CCNF: variants seen among roughly 807,000 people sequenced by gnomAD.
CCNF encodes the protein cyclin-F.
CCNF carries 30 observed loss-of-function variants against 85.4 expected under a neutral mutation model. That is an observed-to-expected ratio of 0.35 (90% CI 0.26 to 0.48). The LOEUF is 0.48. Ranked by LOEUF, CCNF falls within the 20% of genes least tolerant of loss-of-function variation. CCNF has a pLI of 0.99. For missense variants in CCNF, 919 were observed against 1,010.4 expected, an observed-to-expected ratio of 0.91 and a Z score of 1.23; for synonymous variants, 439 against 425.1, an observed-to-expected ratio of 1.03 and a Z score of -0.40.
At chr16:2,431,101 A>G in intron 1 of CCNF, 29 bp from the exon 2 acceptor site, 1 of 1,611,032 alleles carries the variant, frequency 6.2e-7, no homozygotes, top group African/African-American at 1.3e-5. Context: ...TTTTCATCTT[A>G]TCAAGGCTTC....
At chr16:2,441,029 C>T (rs1223059296) in intron 8 of CCNF, among the ~76,000 whole-genome samples, 1 of 150,778 alleles carries the variant, frequency 6.6e-6, no homozygotes, top group Non-Finnish European at 1.5e-5. Flanking sequence ...GTCAAGAGGT[C>T]GAGACCACCC....
rs2065423339 is a variant in CCNF, at chr16:2,455,666, A to G, written c.1885+102A>G. On this transcript the variant is annotated intron_variant, in intron 16 of 16. Transcript: ENST00000397066. Reference sequence around the variant, plus strand: ...GCCCTGTGCGAGCGCTGTGGGAGGAAGATGTGCACAGAGTGCGGGGTGGGG... The same window carrying G: ...GCCCTGTGCGAGCGCTGTGGGAGGAGGATGTGCACAGAGTGCGGGGTGGGG... The G allele has an allele frequency of 6.2e-6, 9 of 1,444,858 alleles. No individual in the cohort carries two copies. In the South Asian group the frequency reaches 1.2e-4, roughly 20 times the overall value. The allele number at this position is 1,444,858 out of a possible 1,614,324, so 89.5% of individuals were successfully genotyped here.
intron 6 of CCNF, 96 bp downstream of exon 6, chr16:2,438,219 C>T (rs2141818187): frequency 2.1e-6 from 2 of 938,834 alleles, no homozygotes; most frequent in East Asian, 4.8e-5. Flanking sequence ...GTGTCCAAGG[C>T]CCAAAACAAA....
Position 2,457,063 on chromosome 16 carries a change from C to A in CCNF, c.*43C>A. The A allele has an allele frequency of 1.4e-6, 2 of 1,429,816 alleles. No individual in the cohort carries two copies. The highest frequency in any genetic ancestry group is 1.3e-5 in the South Asian group (1 of 75,162). The allele number at this position is 1,429,816 out of a possible 1,614,324, so 88.6% of individuals were successfully genotyped here. A position where few individuals can be genotyped will look rare whatever the true frequency, so the allele number is the denominator to read the frequency against. On this transcript the variant is annotated 3_prime_UTR_variant, in exon 17 of 17. Coordinates refer to ENST00000397066, the MANE Select transcript of CCNF (RefSeq NM_001761.3). ...CCGCAGTGGATGTGTACTGAGGGGGCTGGAGGCGAAGGGTGGGAGCATAGC... is the reference window on the plus strand; with the variant it reads ...CCGCAGTGGATGTGTACTGAGGGGGATGGAGGCGAAGGGTGGGAGCATAGC...
At chr16:2,445,322 C>T (rs2065355511) in intron 9 of CCNF, 136 bp from the exon 10 acceptor site, 1 of 1,022,864 alleles carries the variant, frequency 9.8e-7, no homozygotes, top group South Asian at 1.5e-5. Flanking sequence ...GCCTCTCCAG[C>T]CTTGGTTCCA....
At position 2,432,981 on chromosome 16, in the gene CCNF, C is replaced by T; in HGVS notation, c.192C>T (p.Asp64=). 1 of 1,608,442 alleles carries T rather than the reference C, an allele frequency of 6.2e-7. No individual in the cohort carries two copies. Among genetic ancestry groups the T allele is most frequent in the Non-Finnish European group, 8.5e-7 (1 of 1,175,510 alleles). Residue 64 remains aspartate (D), a synonymous_variant, in exon 3 of 17, where the codon GAC becomes GAT. Transcript: ENST00000397066. Reference sequence around the variant, plus strand: ...TGCAGGTACACTCCCAGCTGAAGGACCTGGTGGACAACCACGCCAGTGTGT... The same window carrying T: ...TGCAGGTACACTCCCAGCTGAAGGATCTGGTGGACAACCACGCCAGTGTGT... ...AVRAVHSQLK[D]LVDNHASVWA... is the part of the protein sequence containing the mutation.
intron 8 of CCNF, among the ~76,000 whole-genome samples, chr16:2,441,960 T>TAC (rs2065324186): frequency 7.7e-6 from 1 of 130,478 alleles, no homozygotes; most frequent in Non-Finnish European, 1.6e-5. Context: ...TATATATATA[T>TAC]ATATATATAT....
chr16:2,452,419 G>C lies in CCNF; in HGVS notation c.1488-791G>C, dbSNP rs761803003. Among the ~76,000 whole-genome samples, 1 of 152,250 alleles carries C rather than the reference G, an allele frequency of 6.6e-6. No individual in the cohort carries two copies. The highest frequency in any genetic ancestry group is 1.5e-5 in the Non-Finnish European group (1 of 68,000). On this transcript the variant is annotated intron_variant, in intron 13 of 16. Transcript: ENST00000397066. This position sits in a 1 kb window ranked among gnomAD's most constrained non-coding sequence, Gnocchi z 4.1. The stretch of plus-strand genomic sequence containing the variant: ...CAGTAGAAGGGTTCGCATGGGTCTC[G>C]TCCCACCCACCTTTGCTTATGGGGA...
intron 15 of CCNF, 132 bp from the exon 16 acceptor site, chr16:2,455,263 C>A: frequency 8.2e-7 from 1 of 1,223,178 alleles, no homozygotes; most frequent in Non-Finnish European, 1.1e-6. Flanking sequence ...CCGGCATCTT[C>A]TTCGTAGCAG....
At position 2,433,817 on chromosome 16, in the gene CCNF, C is replaced by T. The variant is rs2065274389; in HGVS notation, c.278+750C>T. ...GCCAGGATGGTCTCGATCTCCTGAC[C>T]TCCTGATCTCAGGCGGGCATTTTTC... On this transcript the variant is annotated intron_variant, in intron 3 of 16. Coordinates refer to ENST00000397066, the MANE Select transcript of CCNF (RefSeq NM_001761.3). Among the ~76,000 whole-genome samples, 3 of 152,148 alleles carry T rather than the reference C, an allele frequency of 2.0e-5. No homozygotes were observed. The South Asian group carries it at 6.2e-4, about 32-fold the overall frequency.
At chr16:2,442,209 A>G (rs2065327232) in intron 8 of CCNF, among the ~76,000 whole-genome samples, 1 of 140,760 alleles carries the variant, frequency 7.1e-6, no homozygotes, top group Non-Finnish European at 1.5e-5. Context: ...GGGTTTCACC[A>G]TGTTAGCCAG....
Position 2,456,567 on chromosome 16 carries a change from C to T in CCNF, c.1908C>T (p.Leu636=), listed in dbSNP as rs767910393. 6.9e-5 allele frequency: 107 copies of T among 1,548,682 alleles called. No homozygotes were observed. Among genetic ancestry groups the T allele is most frequent in the Non-Finnish European group, 8.0e-5 (92 of 1,148,292 alleles). Residue 636 remains leucine (L), a synonymous_variant, in exon 17 of 17, where the codon CTC becomes CTT. Coordinates refer to ENST00000397066, the MANE Select transcript of CCNF (RefSeq NM_001761.3). The surrounding 1 kb of genome is among the most constrained non-coding windows in gnomAD (Gnocchi z 4.5). ...EGDVTAPSGI[L]DVTVVYLNPE... is the part of the protein sequence containing the mutation. ...CAGTGACAGCTCCCAGCGGCATCCT[C>T]GATGTCACCGTGGTCTACCTGAACC...
Position 2,449,809 on chromosome 16 carries a change from G to A in CCNF, c.1400-19G>A, listed in dbSNP as rs202217366. On this transcript the variant is annotated intron_variant, in intron 12 of 16. Coordinates refer to ENST00000397066, the MANE Select transcript of CCNF (RefSeq NM_001761.3). ...CGTCCCCTCCATCCCCTCCACCCCTGGCCTGCTTTCCTCCCCAGCACAGCC... is the reference window on the plus strand; with the variant it reads ...CGTCCCCTCCATCCCCTCCACCCCTAGCCTGCTTTCCTCCCCAGCACAGCC... 1 of 682,204 alleles carries A rather than the reference G, an allele frequency of 1.5e-6. No homozygotes were observed. The highest frequency in any genetic ancestry group is 1.9e-6 in the Non-Finnish European group (1 of 513,866). 42.3% of individuals were successfully genotyped at this position (682,204 alleles called of 1,614,324 possible). A position where few individuals can be genotyped will look rare whatever the true frequency, so the allele number is the denominator to read the frequency against.
chr16:2,440,598 GA>G (rs998498111), intron 8 of CCNF, among the ~76,000 whole-genome samples: 31 of 151,044 alleles, frequency 2.1e-4, no homozygotes, highest in African/African-American at 4.9e-5. Context: ...CTGTCTGAAG[GA>G]AAAAAAAAGT....
At chr16:2,448,263 G>T (rs904479283) in intron 10 of CCNF, among the ~76,000 whole-genome samples, 1 of 152,182 alleles carries the variant, frequency 6.6e-6, no homozygotes, top group Non-Finnish European at 1.5e-5. Context: ...CTCTGTCCTT[G>T]GTGTCTTTTA....
In CCNF at chr16:2,457,122, CGCAGAGA is replaced by C. The variant is rs2065433983; in HGVS notation, c.*111_*117del. 1.2e-6 allele frequency: 1 copy of C among 856,220 alleles called. No individual in the cohort carries two copies. Among genetic ancestry groups the C allele is most frequent in the South Asian group, 1.9e-5 (1 of 53,818 alleles). The allele number at this position is 856,220 out of a possible 1,614,324, so 53.0% of individuals were successfully genotyped here. Reference sequence around the variant, plus strand: ...GCTGCATAGACCATGGAGGCCTTTGCGCAGAGAGCAGAGAGGATGACTTGCGGCCACC... The same window carrying C: ...GCTGCATAGACCATGGAGGCCTTTGCGCAGAGAGGATGACTTGCGGCCACC... On this transcript the variant is annotated 3_prime_UTR_variant, in exon 17 of 17. Coordinates refer to ENST00000397066, the MANE Select transcript of CCNF (RefSeq NM_001761.3).
chr16:2,449,019 G>A (rs760896088), intron 11 of CCNF, 41 bp downstream of exon 11: 8 of 1,597,460 alleles, frequency 5.0e-6, no homozygotes, highest in East Asian at 2.2e-5. Flanking sequence ...CTTCGTTGTC[G>A]CTGTGCTGGA....
In CCNF at chr16:2,435,821, G is replaced by A; in HGVS notation, c.294G>A (p.Gly98=). The A allele has an allele frequency of 6.2e-7, 1 of 1,613,708 alleles. No individual in the cohort carries two copies. The highest frequency in any genetic ancestry group is 8.5e-7 in the Non-Finnish European group (1 of 1,179,812). Residue 98 remains glycine, a synonymous_variant, in exon 4 of 17, where the codon GGG becomes GGA. Transcript: ENST00000397066. ...LKLFERAAEK[G]NFEAAVKLGI... Reference sequence around the variant, plus strand: ...AATGTTTCAGGGCTGCTGAAAAGGGGAATTTCGAAGCTGCTGTGAAGCTGG... The same window carrying A: ...AATGTTTCAGGGCTGCTGAAAAGGGAAATTTCGAAGCTGCTGTGAAGCTGG...
chr16:2,434,310 AT>A (rs1417680031), intron 3 of CCNF, among the ~76,000 whole-genome samples: 1 of 150,278 alleles, frequency 6.7e-6, no homozygotes, highest in African/African-American at 2.5e-5. Context: ...TCTCAAAAAA[AT>A]AATAATAAAA....
Sources: gnomAD v4.1 joint callset for allele counts (sites outside exome capture counted in the v4.1 genomes callset) on GRCh38, gnomAD v4.1.1 for gene constraint, Gnocchi (gnomAD v3.1) non-coding constraint, MANE v1.5 for transcripts, NCBI Gene and HGNC (gene_info 2026-07-23, HGNC 2026-07-21) for gene names.